ADGRE5: variants seen among roughly 807,000 people sequenced by gnomAD.
ADGRE5 encodes the protein CD97 molecule.
Under a neutral mutation model 100.3 loss-of-function variants are expected in ADGRE5, and 72 were observed. The observed-to-expected ratio is 0.72, with a 90% confidence interval of 0.59 to 0.87. The LOEUF (loss-of-function observed/expected upper bound fraction) is 0.87. Among genes scored for constraint, ADGRE5 ranks in the 40% least tolerant of loss-of-function variants. The pLI is 0.00. For synonymous variants in ADGRE5, 439 were observed against 447.8 expected (o/e 0.98, Z 0.25); for missense variants, 959 against 1,094.7 (o/e 0.88, Z 1.75).
In ADGRE5 at chr19:14,408,199, C is replaced by T. The variant is rs1485967839; in HGVS notation, c.*78C>T. Reference sequence around the variant, plus strand: ...ACACGAAGACCATCCATCCTCCCTTCGTCCACCACTCTACTCCCTCCACCC... The same window carrying T: ...ACACGAAGACCATCCATCCTCCCTTTGTCCACCACTCTACTCCCTCCACCC... On this transcript the variant is annotated 3_prime_UTR_variant, in exon 20 of 20. Transcript: ENST00000242786. 8.8e-6 allele frequency: 13 copies of T among 1,472,156 alleles called. No homozygotes were observed. Among genetic ancestry groups the T allele is most frequent in the South Asian group, 3.5e-5 (3 of 85,922 alleles). 91.2% of individuals were successfully genotyped at this position (1,472,156 alleles called of 1,614,324 possible).
intron 9 of ADGRE5, chr19:14,398,364 C>G (rs1423080623): frequency 1.2e-5 from 7 of 561,348 alleles, no homozygotes; most frequent in Non-Finnish European, 1.9e-5. Flanking sequence ...CAACAGAGTG[C>G]AGCACTTAAG....
chr19:14,402,469 C>A, intron 11 of ADGRE5, 128 bp from the exon 12 acceptor site: 3 of 860,576 alleles, frequency 3.5e-6, no homozygotes, highest in Non-Finnish European at 5.5e-6. Context: ...TAGAAACTGA[C>A]TCATCGGGAG....
intron 3 of ADGRE5, among the ~76,000 whole-genome samples, chr19:14,390,151 G>GAGGA (rs967115562): frequency 3.2e-4 from 46 of 143,604 alleles, no homozygotes; most frequent in African/African-American, 1.1e-3. Context: ...GGGAAGGAGG[G>GAGGA]AGGAAGGAAG....
intron 1 of ADGRE5, among the ~76,000 whole-genome samples, chr19:14,383,507 TA>T (rs1421649103): frequency 6.6e-6 from 1 of 151,878 alleles, no homozygotes; most frequent in Non-Finnish European, 1.5e-5. Context: ...TGTCTCAAAA[TA>T]AATGAATAAA....
intron 1 of ADGRE5, among the ~76,000 whole-genome samples, chr19:14,387,292 C>G (rs1975392736): frequency 6.6e-6 from 1 of 152,090 alleles, no homozygotes; most frequent in Non-Finnish European, 1.5e-5. Context: ...CCCCACCAGG[C>G]TCATGGCCCT....
chr19:14,388,311 G>T, intron 1 of ADGRE5, 139 bp from the exon 2 acceptor site: 1 of 1,451,198 alleles, frequency 6.9e-7, no homozygotes, highest in South Asian at 1.3e-5. Context: ...AGTGGGACAT[G>T]ACATCTGCTC....
At chr19:14,403,864 C>CTTTTTTTT (rs58411522) in intron 12 of ADGRE5, among the ~76,000 whole-genome samples, 1 of 74,264 alleles carries the variant, frequency 1.3e-5, no homozygotes, top group Non-Finnish European at 2.6e-5. Flanking sequence ...GCCTCTCCCA[C>CTTTTTTTT]TTTTTTTTTT....
intron 4 of ADGRE5, among the ~76,000 whole-genome samples, chr19:14,395,796 C>A (rs1975754595): frequency 6.6e-6 from 1 of 152,200 alleles, no homozygotes; most frequent in Non-Finnish European, 1.5e-5. Flanking sequence ...GCACTCTCCC[C>A]ACCCCTGCTA....
intron 4 of ADGRE5, among the ~76,000 whole-genome samples, chr19:14,391,957 C>T (rs1385437108): frequency 6.6e-6 from 1 of 151,276 alleles, no homozygotes; most frequent in African/African-American, 2.4e-5. Flanking sequence ...ATTAGCCAGA[C>T]ATGGTGGCAC....
At chr19:14,398,633 C>T (rs1032519002) in intron 9 of ADGRE5, among the ~76,000 whole-genome samples, 2 of 138,730 alleles carry the variant, frequency 1.4e-5, no homozygotes, top group Admixed American at 1.7e-4. Flanking sequence ...CGAGGTCGTG[C>T]AGCTGCACTG....
In ADGRE5 at chr19:14,405,789, G is replaced by C; in HGVS notation, c.1671G>C (p.Leu557=). The change falls in exon 14 of 20, where the codon CTG becomes CTC. Residue 557 remains leucine, a synonymous_variant. Transcript: ENST00000242786. ...LTLITRVGLA[L]SLFCLLLCIL... ...TGATCACCAGGGTGGGACTGGCGCTGTCACTCTTCTGCCTGCTGCTGTGCA... is the reference window on the plus strand; with the variant it reads ...TGATCACCAGGGTGGGACTGGCGCTCTCACTCTTCTGCCTGCTGCTGTGCA... 6.2e-7 allele frequency: 1 copy of C among 1,613,864 alleles called. No homozygotes were observed. The highest frequency in any genetic ancestry group is 8.5e-7 in the Non-Finnish European group (1 of 1,179,984).
At position 14,406,280 on chromosome 19, in the gene ADGRE5, A is replaced by C; in HGVS notation, c.1822-51A>C. On this transcript the variant is annotated intron_variant, in intron 14 of 19. Coordinates refer to ENST00000242786, the MANE Select transcript of ADGRE5 (RefSeq NM_078481.4). This position sits in a 1 kb window ranked among gnomAD's most constrained non-coding sequence, Gnocchi z 6.0. ...GGCAGGCGACTGGCTCTGGCGCCGCATGCCCCTCCCCGCGCTGACGTCGCT... is the reference window on the plus strand; with the variant it reads ...GGCAGGCGACTGGCTCTGGCGCCGCCTGCCCCTCCCCGCGCTGACGTCGCT... 1 of 1,389,506 alleles carries C rather than the reference A, an allele frequency of 7.2e-7. No individual in the cohort carries two copies. Among genetic ancestry groups the C allele is most frequent in the Non-Finnish European group, 9.8e-7 (1 of 1,024,220 alleles). The allele number at this position is 1,389,506 out of a possible 1,614,324, so 86.1% of individuals were successfully genotyped here. A position where few individuals can be genotyped will look rare whatever the true frequency, so the allele number is the denominator to read the frequency against.
rs1170259805 is a variant in ADGRE5 at position 14,406,213 on chromosome 19, C to T, written c.1822-118C>T. The T allele has an allele frequency of 3.9e-5, 33 of 855,872 alleles. 1 individual carries two copies. The South Asian group carries it at 5.5e-4, about 14-fold the overall frequency. The allele number at this position is 855,872 out of a possible 1,614,324, so 53.0% of individuals were successfully genotyped here. A position where few individuals can be genotyped will look rare whatever the true frequency, so the allele number is the denominator to read the frequency against. On this transcript the variant is annotated intron_variant, in intron 14 of 19. Transcript: ENST00000242786. The surrounding 1 kb of genome is among the most constrained non-coding windows in gnomAD (Gnocchi z 6.0). ...GGGAAACCTGGCCCCCGCTCCAGAC[C>T]CGCCCACCCTCCGGCTGTGGTCCCG...
rs1976029264 is a variant in ADGRE5 at position 14,401,922 on chromosome 19, G to C, written c.1183+162G>C. ...CAGGTGGGTAGATCGCTTGAGCTCA[G>C]AAGTTCAAGACCAGCCTGGGCAACA... On this transcript the variant is annotated intron_variant, in intron 11 of 19. Coordinates refer to ENST00000242786, the MANE Select transcript of ADGRE5 (RefSeq NM_078481.4). The surrounding 1 kb of genome is among the most constrained non-coding windows in gnomAD (Gnocchi z 4.1). 6.6e-6 allele frequency among the ~76,000 whole-genome samples: 1 copy of C among 152,166 alleles called. No homozygotes were observed. The highest frequency in any genetic ancestry group is 6.5e-5 in the Admixed American group (1 of 15,274).
At chr19:14,405,708 A>G in intron 13 of ADGRE5, 40 bp from the exon 14 acceptor site, 1 of 1,509,158 alleles carries the variant, frequency 6.6e-7, no homozygotes, top group Non-Finnish European at 9.1e-7. Flanking sequence ...GGAAGGCCTC[A>G]TGCCCTGAAG....
chr19:14,399,563 CAAAAAA>C (rs764605166), intron 9 of ADGRE5, among the ~76,000 whole-genome samples: 5 of 31,824 alleles, frequency 1.6e-4, no homozygotes, highest in Admixed American at 2.8e-4. Context: ...GACTCCGTCT[CAAAAAA>C]AAAAAAAAAA....
At chr19:14,405,987 T>G (rs376851668) in intron 14 of ADGRE5, 48 bp downstream of exon 14, 9 of 1,530,320 alleles carry the variant, frequency 5.9e-6, no homozygotes, top group Non-Finnish European at 7.1e-6. Context: ...CAGGGAGGCC[T>G]GGGAGGGGTT....
In ADGRE5 at chr19:14,405,895, G is replaced by A; in HGVS notation, c.1777G>A (p.Gly593Ser). 6.2e-7 allele frequency: 1 copy of A among 1,611,564 alleles called. No homozygotes were observed. Among genetic ancestry groups the A allele is most frequent in the East Asian group, 2.2e-5 (1 of 44,882 alleles). Residue 593 changes from glycine (G) to serine (S), a missense_variant, in exon 14 of 20, where the codon GGC (glycine) becomes AGC (serine). Transcript: ENST00000242786. ...GCACCTCTGCATCTGCCTCTTCGTGGGCTCCACCATCTTCCTGGCCGGCAT... is the reference window on the plus strand; with the variant it reads ...GCACCTCTGCATCTGCCTCTTCGTGAGCTCCACCATCTTCCTGGCCGGCAT... ...HLHLCICLFV[G>S]STIFLAGIEN...
At chr19:14,395,332 C>CA (rs1327786785) in intron 4 of ADGRE5, among the ~76,000 whole-genome samples, 4 of 151,112 alleles carry the variant, frequency 2.6e-5, no homozygotes, top group African/African-American at 7.3e-5. Flanking sequence ...AAAACGCACT[C>CA]AGAGGGTTGG....
Sources: allele counts gnomAD v4.1 joint callset (sites outside exome capture counted in the v4.1 genomes callset), GRCh38; gene constraint gnomAD v4.1.1; non-coding constraint Gnocchi (gnomAD v3.1); transcripts MANE v1.5; gene names NCBI Gene and HGNC (gene_info 2026-07-23, HGNC 2026-07-21).